Variants in LEKR1 observed in about 807,000 individuals in gnomAD.
The protein encoded by LEKR1 is protein LEKR1.
LEKR1 carries 59 observed loss-of-function variants against 72.4 expected under a neutral mutation model. That is an observed-to-expected ratio of 0.82 (90% confidence interval 0.66 to 1.01). The LOEUF (loss-of-function observed/expected upper bound fraction) is 1.01, where lower values mean the gene tolerates loss of function less well. Ranked by LOEUF, LEKR1 falls within the 50% of genes least tolerant of loss-of-function variation. The pLI is 0.00. For synonymous variants in LEKR1, 257 were observed against 263.2 expected (o/e 0.98, Z 0.23); for missense variants, 728 against 759.2 (o/e 0.96, Z 0.48).
chr3:156,875,437 A>G (rs942878029), intron 3 of LEKR1, among the ~76,000 whole-genome samples: 1 of 152,122 alleles, frequency 6.6e-6, no homozygotes, highest in African/African-American at 2.4e-5. Context: ...CCTTTGTTGG[A>G]TGCATAGTTT....
chr3:156,926,473 T>C (rs1724729360), intron 4 of LEKR1, among the ~76,000 whole-genome samples: 1 of 151,984 alleles, frequency 6.6e-6, no homozygotes. Context: ...CACTACATTT[T>C]TCTTAAAATT....
intron 3 of LEKR1, among the ~76,000 whole-genome samples, chr3:156,911,089 A>T (rs769890415): frequency 2.0e-5 from 3 of 152,118 alleles, no homozygotes; most frequent in Admixed American, 1.3e-4. Context: ...ACGACTAGAG[A>T]TGTTAAACAT....
At chr3:157,043,637 G>A (rs898528824) in intron 12 of LEKR1, among the ~76,000 whole-genome samples, 1 of 152,130 alleles carries the variant, frequency 6.6e-6, no homozygotes, top group Admixed American at 6.5e-5. Flanking sequence ...GTCTTTATTC[G>A]TCAGATATAA....
intron 2 of LEKR1, among the ~76,000 whole-genome samples, chr3:156,839,960 C>A (rs1713689665): frequency 6.6e-6 from 1 of 152,180 alleles, no homozygotes; most frequent in Non-Finnish European, 1.5e-5. Flanking sequence ...TCCACTTTCT[C>A]CACCTGTGTC....
chr3:156,971,545 G>T (rs1729194902), intron 6 of LEKR1, among the ~76,000 whole-genome samples: 1 of 152,096 alleles, frequency 6.6e-6, no homozygotes, highest in African/African-American at 2.4e-5. Context: ...CCATCAGAGT[G>T]AACAGGCAAC....
At chr3:156,996,506 A>T (rs2108012149) in intron 9 of LEKR1, among the ~76,000 whole-genome samples, 1 of 152,342 alleles carries the variant, frequency 6.6e-6, no homozygotes. Context: ...AATGAAGAGA[A>T]ACCATTGAAG....
chr3:156,992,971 A>T, intron 8 of LEKR1, 103 bp from the exon 9 acceptor site: 1 of 602,060 alleles, frequency 1.7e-6, no homozygotes, highest in South Asian at 4.2e-5. Context: ...TTAAAGTTAC[A>T]GTTATAATCT....
At chr3:157,019,247 C>G (rs1053760242) in intron 10 of LEKR1, among the ~76,000 whole-genome samples, 11 of 151,944 alleles carry the variant, frequency 7.2e-5, no homozygotes, top group African/African-American at 2.2e-4. Flanking sequence ...GTGTTTGGCT[C>G]CATGTTCAAT....
At chr3:156,887,688 A>C (rs1223394681) in intron 3 of LEKR1, among the ~76,000 whole-genome samples, 2 of 152,086 alleles carry the variant, frequency 1.3e-5, no homozygotes, top group African/African-American at 2.4e-5. Context: ...TCATATAGTT[A>C]ATCTAATTTA....
intron 2 of LEKR1, among the ~76,000 whole-genome samples, chr3:156,839,206 A>T (rs1195311600): frequency 6.6e-6 from 1 of 152,210 alleles, no homozygotes; most frequent in Non-Finnish European, 1.5e-5. Flanking sequence ...ATCAGGTGTT[A>T]GTCTTTTGGT....
intron 12 of LEKR1, among the ~76,000 whole-genome samples, chr3:157,039,279 A>G (rs1735184248): frequency 6.6e-6 from 1 of 152,220 alleles, no homozygotes; most frequent in East Asian, 1.9e-4. Context: ...ATATGTTTCC[A>G]ATGTAAACTC....
At chr3:156,845,913 G>A (rs1036453735) in intron 2 of LEKR1, among the ~76,000 whole-genome samples, 7 of 152,082 alleles carry the variant, frequency 4.6e-5, no homozygotes, top group Non-Finnish European at 7.4e-5. Flanking sequence ...AGGGAGAATT[G>A]ATATCTTTAC....
At position 156,940,632 on chromosome 3, in the gene LEKR1, T is replaced by C. The variant is rs189306352; in HGVS notation, c.560-1897T>C. On this transcript the variant is annotated intron_variant, in intron 5 of 12. Transcript: ENST00000356539. ...CAAAAGGTAAGTTAATTCATCTCCA[T>C]TGAGTTTACTTTTTCCTAACTCCAT... is the stretch of plus-strand genomic sequence containing the variant. 8.2e-4 allele frequency among the ~76,000 whole-genome samples: 125 copies of C among 152,318 alleles called. 1 individual carries two copies. The highest frequency in any genetic ancestry group is 2.9e-3 in the African/African-American group (119 of 41,572).
chr3:156,864,821 A>G (rs991950329), intron 3 of LEKR1, among the ~76,000 whole-genome samples: 5 of 151,722 alleles, frequency 3.3e-5, no homozygotes, highest in African/African-American at 1.2e-4. Context: ...CATGATACCT[A>G]TTGCTTTTTA....
At chr3:156,837,550 G>T (rs1713313905) in intron 2 of LEKR1, among the ~76,000 whole-genome samples, 1 of 152,214 alleles carries the variant, frequency 6.6e-6, no homozygotes, top group African/African-American at 2.4e-5. Flanking sequence ...GCCAGCTTGA[G>T]CATTGGGCTT....
chr3:156,999,957 C>T (rs1372125842), intron 9 of LEKR1, among the ~76,000 whole-genome samples: 1 of 152,218 alleles, frequency 6.6e-6, no homozygotes, highest in African/African-American at 2.4e-5. Flanking sequence ...ATGTTCTCTT[C>T]TCTACTGTTT....
chr3:157,023,147 A>G (rs771243018), intron 10 of LEKR1, among the ~76,000 whole-genome samples: 19 of 151,798 alleles, frequency 1.3e-4, no homozygotes, highest in Non-Finnish European at 2.2e-4. Flanking sequence ...TAAATCACAC[A>G]GTCACCATCA....
intron 11 of LEKR1, 119 bp downstream of exon 11, chr3:157,025,043 T>G (rs1441757194): frequency 9.0e-6 from 6 of 667,212 alleles, no homozygotes; most frequent in African/African-American, 1.8e-5. Flanking sequence ...GGTCACTGTG[T>G]CTTGGTTTTA....
intron 12 of LEKR1, among the ~76,000 whole-genome samples, chr3:157,038,989 A>T (rs1159050709): frequency 1.3e-5 from 2 of 152,182 alleles, no homozygotes; most frequent in East Asian, 3.8e-4. Context: ...AGGCTAAAGG[A>T]CTATAGATCT....
Sources: gnomAD v4.1 joint callset for allele counts (sites outside exome capture counted in the v4.1 genomes callset) on GRCh38, gnomAD v4.1.1 for gene constraint, MANE v1.5 for transcripts, NCBI Gene and HGNC (gene_info 2026-07-23, HGNC 2026-07-21) for gene names.